The following EXTL1 variants were observed in gnomAD, a reference collection of about 807,000 sequenced individuals.
EXTL1 encodes exostosin like glycosyltransferase 1.
EXTL1 carries 43 observed loss-of-function variants against 64.6 expected under a neutral mutation model. The ratio of observed to expected loss-of-function variants is 0.67; its 90% CI spans 0.52 to 0.86. The LOEUF is 0.86. Ranked by LOEUF, EXTL1 falls within the 40% of genes least tolerant of loss-of-function variation. The pLI, the probability that EXTL1 is intolerant of heterozygous loss-of-function variation, is 0.00. For synonymous variants in EXTL1, 352 were observed against 360.5 expected, an observed-to-expected ratio of 0.98 and a Z score of 0.27; for missense variants, 766 against 879.0, an observed-to-expected ratio of 0.87 and a Z score of 1.62.
rs546167467 is a variant in EXTL1, at chr1:26,031,136, T to C, written c.1106T>C (p.Ile369Thr). The C allele has an allele frequency of 1.1e-4, 172 of 1,614,088 alleles. 1 individual carries two copies. The South Asian group carries it at 1.8e-3, about 17-fold the overall frequency. ...EKVIHTTLEV[I>T]QDRIFGTSAH... ...TCAGCTTCTCTCTCATTTTAGGTTA[T>C]TCAGGACCGGATTTTTGGAACATCA... Residue 369 changes from isoleucine to threonine, a missense_variant, in exon 5 of 11, where the codon ATT becomes ACT. Ile to Thr is a moderately conservative substitution (Grantham distance 89). Coordinates refer to ENST00000374280, the MANE Select transcript of EXTL1 (RefSeq NM_004455.3).
chr1:26,035,540 G>A lies in EXTL1; in HGVS notation c.*193G>A, dbSNP rs1486789858. ...CCTTCTCCTGCTCGCCCTCAGCCGC[G>A]GAGCCTCTGCGGAGGCTGAGCCCCG... On this transcript the variant is annotated 3_prime_UTR_variant, in exon 11 of 11. Transcript: ENST00000374280. This position sits in a 1 kb window ranked among gnomAD's most constrained non-coding sequence, Gnocchi z 5.3. 6.3e-6 allele frequency: 3 copies of A among 473,838 alleles called. No homozygotes were observed. The highest frequency in any genetic ancestry group is 3.5e-5 in the Admixed American group (1 of 28,416). The allele number at this position is 473,838 out of a possible 1,614,324, so 29.4% of individuals were successfully genotyped here. A position where few individuals can be genotyped will look rare whatever the true frequency, so the allele number is the denominator to read the frequency against.
At position 26,033,672 on chromosome 1, in the gene EXTL1, C is replaced by T; in HGVS notation, c.1519-24C>T. The stretch of plus-strand genomic sequence containing the variant: ...TAGGCATTTAGGAGGTCCTTCCTCA[C>T]AGCTCACTTGAGTCCCTCCCCAGGT... On this transcript the variant is annotated intron_variant, in intron 8 of 10. Coordinates refer to ENST00000374280, the MANE Select transcript of EXTL1 (RefSeq NM_004455.3). This position sits in a 1 kb window ranked among gnomAD's most constrained non-coding sequence, Gnocchi z 5.1. 6.2e-7 allele frequency: 1 copy of T among 1,610,192 alleles called. No homozygotes were observed. Among genetic ancestry groups the T allele is most frequent in the Non-Finnish European group, 8.5e-7 (1 of 1,177,852 alleles).
Position 26,030,575 on chromosome 1 carries a change from G to T in EXTL1, c.1081G>T (p.Val361Phe), listed in dbSNP as rs1384034791. 3.1e-6 allele frequency: 5 copies of T among 1,613,072 alleles called. No homozygotes were observed. Among genetic ancestry groups the T allele is most frequent in the Middle Eastern group, 1.7e-4 (1 of 6,010 alleles). The change falls in exon 4 of 11, where the codon GTC (valine) becomes TTC (phenylalanine). Residue 361 changes from valine (V) to phenylalanine (F), a missense_variant. By Grantham distance (50) the Val-to-Phe change is conservative (BLOSUM62 -1). Around this residue, in one of 3 missense-constraint regions of EXTL1, gnomAD observed 571 missense variants for 647.6 expected, o/e 0.88. Transcript: ENST00000374280. ...WDAYFSSVEK[V>F]IHTTLEVIQD... ...TGCCTACTTCTCCTCAGTGGAGAAG[G>T]TCATCCATACCACTCTGGAGGTGAG...
chr1:26,033,113 AG>A lies in EXTL1; in HGVS notation c.1432-113del. The A allele has an allele frequency of 1.3e-6, 1 of 746,304 alleles. No homozygotes were observed. The highest frequency in any genetic ancestry group is 2.1e-5 in the Admixed American group (1 of 48,164). 46.2% of individuals were successfully genotyped at this position (746,304 alleles called of 1,614,324 possible). A position where few individuals can be genotyped will look rare whatever the true frequency, so the allele number is the denominator to read the frequency against. On this transcript the variant is annotated intron_variant, in intron 7 of 10. Transcript: ENST00000374280. The surrounding 1 kb of genome is among the most constrained non-coding windows in gnomAD (Gnocchi z 5.1). ...GCCCAGGCGTCTACACTGTGCCTGA[AG>A]GGAGGCTTTATTCATGGCTCAGGCG...
At position 26,034,776 on chromosome 1, in the gene EXTL1, A is replaced by G. The variant is rs2050321584; in HGVS notation, c.1680-60A>G. ...GGGAGAGGTGAGGTCAGGAGGGAGG[A>G]GAATGGGGCCTGGGGATGGATTTGG... On this transcript the variant is annotated intron_variant, in intron 9 of 10. Transcript: ENST00000374280. This position sits in a 1 kb window ranked among gnomAD's most constrained non-coding sequence, Gnocchi z 4.6. 1 of 1,545,432 alleles carries G rather than the reference A, an allele frequency of 6.5e-7. No homozygotes were observed. The highest frequency in any genetic ancestry group is 1.7e-5 in the Admixed American group (1 of 58,138).
intron 1 of EXTL1, among the ~76,000 whole-genome samples, chr1:26,024,069 G>A (rs1450370588): frequency 6.6e-6 from 1 of 152,194 alleles, no homozygotes; most frequent in East Asian, 1.9e-4. Flanking sequence ...CAAATATGAC[G>A]CAGGTCAGAT....
chr1:26,026,263 G>A (rs1569654622), intron 1 of EXTL1, among the ~76,000 whole-genome samples: 1 of 144,662 alleles, frequency 6.9e-6, no homozygotes. Flanking sequence ...AAAAAAGGCA[G>A]AATTAAAAAT....
intron 1 of EXTL1, among the ~76,000 whole-genome samples, chr1:26,024,978 C>A (rs1197489962): frequency 6.6e-6 from 1 of 152,214 alleles, no homozygotes; most frequent in Non-Finnish European, 1.5e-5. Context: ...CCAGAGCCGG[C>A]CACGGTTTTC....
Position 26,034,732 on chromosome 1 carries a change from C to A in EXTL1, c.1680-104C>A. The A allele has an allele frequency of 8.3e-7, 1 of 1,206,590 alleles. No individual in the cohort carries two copies. The highest frequency in any genetic ancestry group is 1.2e-6 in the Non-Finnish European group (1 of 842,818). 74.7% of individuals were successfully genotyped at this position (1,206,590 alleles called of 1,614,324 possible). On this transcript the variant is annotated intron_variant, in intron 9 of 10. Coordinates refer to ENST00000374280, the MANE Select transcript of EXTL1 (RefSeq NM_004455.3). The surrounding 1 kb of genome is among the most constrained non-coding windows in gnomAD (Gnocchi z 4.6). ...CTCTGAGGCAGCCAGGGCTCAGAGG[C>A]TTGGGGATGGGGGTCAAAGGGAGAG...
In EXTL1 at chr1:26,025,988, T is replaced by C. The variant is rs150494991; in HGVS notation, c.779+2563T>C. 0.013 allele frequency among the ~76,000 whole-genome samples: 2,042 copies of C among 152,288 alleles called. 18 individuals carry two copies. Among genetic ancestry groups the C allele is most frequent in the Non-Finnish European group, 0.022 (1,511 of 68,012 alleles). ...TTTTGAAAATCAGGGCTGGGCATAG[T>C]GGCTTACACCTGTGATCCCAGCACT... On this transcript the variant is annotated intron_variant, in intron 1 of 10. Coordinates refer to ENST00000374280, the MANE Select transcript of EXTL1 (RefSeq NM_004455.3). The surrounding 1 kb of genome is among the most constrained non-coding windows in gnomAD (Gnocchi z 5.3).
At position 26,022,387 on chromosome 1, in the gene EXTL1, C is replaced by T. The variant is rs924840406; in HGVS notation, c.-260C>T. ...AAGGCTGGCTTGGTTGTCCAAAGGCCGAGAAGGCAGAGTCCTGAGAGCAGG... is the reference window on the plus strand; with the variant it reads ...AAGGCTGGCTTGGTTGTCCAAAGGCTGAGAAGGCAGAGTCCTGAGAGCAGG... On this transcript the variant is annotated 5_prime_UTR_variant, in exon 1 of 11. The change creates a premature stop within an existing upstream ORF in the 5' untranslated region. Coordinates refer to ENST00000374280, the MANE Select transcript of EXTL1 (RefSeq NM_004455.3). 1.6e-5 allele frequency: 7 copies of T among 442,644 alleles called. No homozygotes were observed. The highest frequency in any genetic ancestry group is 4.1e-5 in the African/African-American group (2 of 49,190). 27.4% of individuals were successfully genotyped at this position (442,644 alleles called of 1,614,324 possible).
rs896863750 is a variant in EXTL1, at chr1:26,035,454, A to G, written c.*107A>G. On this transcript the variant is annotated 3_prime_UTR_variant, in exon 11 of 11. Transcript: ENST00000374280. The surrounding 1 kb of genome is among the most constrained non-coding windows in gnomAD (Gnocchi z 5.3). ...GGGACACCGGAGAACCTATCATGTC[A>G]GCCAGCGGGCCCACACGTCGGACCC... 1 of 1,077,022 alleles carries G rather than the reference A, an allele frequency of 9.3e-7. No individual in the cohort carries two copies. Among genetic ancestry groups the G allele is most frequent in the Non-Finnish European group, 1.3e-6 (1 of 765,626 alleles). The allele number at this position is 1,077,022 out of a possible 1,614,324, so 66.7% of individuals were successfully genotyped here. A position where few individuals can be genotyped will look rare whatever the true frequency, so the allele number is the denominator to read the frequency against.
At chr1:26,026,242 CAAAAAA>C (rs60657422) in intron 1 of EXTL1, among the ~76,000 whole-genome samples, 1 of 84,490 alleles carries the variant, frequency 1.2e-5, no homozygotes. Context: ...GACTCTGTTT[CAAAAAA>C]AAAAAAAAAA....
Position 26,033,230 on chromosome 1 carries a change from TTAG to T in EXTL1, c.1435_1437del (p.Ser479del). On this transcript the variant is annotated inframe_deletion and splice_region_variant, in exon 8 of 11. Transcript: ENST00000374280. The surrounding 1 kb of genome is among the most constrained non-coding windows in gnomAD (Gnocchi z 5.1). ...GTTCCCCTCCCCCACTCCCTGCAGG[TTAG>T]TGATCGCTTCTACCCATATAGCACC... The T allele has an allele frequency of 6.2e-7, 1 of 1,610,496 alleles. No individual in the cohort carries two copies. The highest frequency in any genetic ancestry group is 8.5e-7 in the Non-Finnish European group (1 of 1,176,848).
In EXTL1 at chr1:26,022,573, C is replaced by G. The variant is rs748744164; in HGVS notation, c.-74C>G. The G allele has an allele frequency of 6.0e-6, 8 of 1,331,138 alleles. No homozygotes were observed. The highest frequency in any genetic ancestry group is 7.3e-6 in the Non-Finnish European group (7 of 963,196). 82.5% of individuals were successfully genotyped at this position (1,331,138 alleles called of 1,614,324 possible). On this transcript the variant is annotated 5_prime_UTR_variant, in exon 1 of 11. Coordinates refer to ENST00000374280, the MANE Select transcript of EXTL1 (RefSeq NM_004455.3). ...CAGGTCGGTCCCAGCTCTGGTCTCCCGCCCCAGGCCCTGCTCTTCCTGCTT... is the reference window on the plus strand; with the variant it reads ...CAGGTCGGTCCCAGCTCTGGTCTCCGGCCCCAGGCCCTGCTCTTCCTGCTT...
rs1206115885 is a variant in EXTL1 at position 26,022,734 on chromosome 1, C to T, written c.88C>T (p.Leu30Phe). 1 of 1,614,084 alleles carries T rather than the reference C, an allele frequency of 6.2e-7. No individual in the cohort carries two copies. Among genetic ancestry groups the T allele is most frequent in the South Asian group, 1.1e-5 (1 of 91,074 alleles). The part of the protein sequence containing the change: ...LLVLLGGFSL[L>F]RLALPPRPRP... ...TGTCCTGCTGGGAGGCTTCTCCCTT[C>T]TCCGCCTGGCATTGCCTCCCAGACC... Residue 30 changes from leucine to phenylalanine, a missense_variant, in exon 1 of 11, where the codon CTC becomes TTC. By Grantham distance (22) the Leu-to-Phe change is conservative. Transcript: ENST00000374280.
rs759583722 is a variant in EXTL1 at position 26,022,955 on chromosome 1, G to A, written c.309G>A (p.Ala103=). Reference sequence around the variant, plus strand: ...GCCTTAAGGTATTCGTGTACCCAGCGGTTGGAACCATCTCTGAGACTCATC... The same window carrying A: ...GCCTTAAGGTATTCGTGTACCCAGCAGTTGGAACCATCTCTGAGACTCATC... ...GDGLKVFVYP[A]VGTISETHRR... The change falls in exon 1 of 11, where the codon GCG becomes GCA. Residue 103 remains alanine, a synonymous_variant. Transcript: ENST00000374280. 1.5e-5 allele frequency: 25 copies of A among 1,614,130 alleles called. No individual in the cohort carries two copies. Among genetic ancestry groups the A allele is most frequent in the South Asian group, 5.5e-5 (5 of 91,080 alleles).
At chr1:26,029,857 G>C (rs1407448186) in intron 3 of EXTL1, 150 bp downstream of exon 3, 3 of 617,456 alleles carry the variant, frequency 4.9e-6, no homozygotes, top group Non-Finnish European at 8.9e-6. Context: ...CTCCCCTCTG[G>C]GGCTCCCAGA....
Position 26,022,788 on chromosome 1 carries a change from C to A in EXTL1, c.142C>A (p.Arg48Ser). 1 of 1,614,076 alleles carries A rather than the reference C, an allele frequency of 6.2e-7. No homozygotes were observed. The stretch of plus-strand genomic sequence containing the variant: ...GCCCGGGGCTTCCCAAGGCTGGCCC[C>A]GCTGGCTGGATGCAGAGCTCCTGCA... ...PRPGASQGWP[R>S]WLDAELLQSF... is the part of the protein sequence containing the mutation. The change falls in exon 1 of 11, where the codon CGC (arginine) becomes AGC (serine). Residue 48 changes from arginine (R) to serine (S), a missense_variant. Physicochemically the swap from Arg to Ser is moderately radical, Grantham distance 110. Transcript: ENST00000374280.
Sources: allele counts gnomAD v4.1 joint callset (sites outside exome capture counted in the v4.1 genomes callset), GRCh38; gene constraint gnomAD v4.1.1; regional missense constraint gnomAD v4.1.1; non-coding constraint Gnocchi (gnomAD v3.1); transcripts MANE v1.5; gene names NCBI Gene and HGNC (gene_info 2026-07-23, HGNC 2026-07-21).